The following OR1J2 variants were observed in gnomAD, a reference collection of about 807,000 sequenced individuals.
OR1J2 encodes the protein olfactory receptor family 1 subfamily J member 2, also known as olfactory receptor 1J2.
For synonymous variants in OR1J2, 142 were observed against 99.7 expected, an observed-to-expected ratio of 1.42 and a Z score of -2.52; for missense variants, 304 against 246.1, an observed-to-expected ratio of 1.24 and a Z score of -1.57.
the OR1J2 span, chr9:122,568,678 T>A: frequency 0.32 from 155,731 of 492,018 alleles, 30,150 homozygotes; most frequent in East Asian, 0.83. Context: ...CATAAGGGCA[T>A]TATATTGAAA....
the OR1J2 span, chr9:122,519,988 C>T: frequency 6.2e-7 from 1 of 1,614,154 alleles, no homozygotes; most frequent in African/African-American, 1.3e-5. Flanking sequence ...GTGATCACCC[C>T]ATTGCTGAAT....
chr9:122,448,298 TAA>T, the OR1J2 span, among the ~76,000 whole-genome samples: 3 of 152,062 alleles, frequency 2.0e-5, no homozygotes, highest in Admixed American at 6.6e-5. Context: ...CTTAGTGGAG[TAA>T]AGAGTAACAG....
the OR1J2 span, chr9:122,477,333 T>A: frequency 6.2e-7 from 1 of 1,614,122 alleles, no homozygotes; most frequent in Non-Finnish European, 8.5e-7. Context: ...CTGTAAAGAT[T>A]GCTAACTGAT....
the OR1J2 span, among the ~76,000 whole-genome samples, chr9:122,458,175 C>T: frequency 6.6e-6 from 1 of 152,164 alleles, no homozygotes; most frequent in Non-Finnish European, 1.5e-5. Flanking sequence ...TTAGTGTCCA[C>T]AATTTGTAGT....
the OR1J2 span, among the ~76,000 whole-genome samples, chr9:122,475,509 A>G: frequency 6.6e-6 from 1 of 152,190 alleles, no homozygotes; most frequent in Non-Finnish European, 1.5e-5. Context: ...TTTGGGGTTC[A>G]CTATGCAGCT....
At chr9:122,538,030 T>G in the OR1J2 span, among the ~76,000 whole-genome samples, 25 of 152,170 alleles carry the variant, frequency 1.6e-4, no homozygotes, top group Admixed American at 1.4e-3. Flanking sequence ...TACCTCTTAC[T>G]GTGCATGTGT....
the OR1J2 span, among the ~76,000 whole-genome samples, chr9:122,458,704 G>A: frequency 1.3e-5 from 2 of 152,174 alleles, no homozygotes; most frequent in East Asian, 1.9e-4. Context: ...TGACATGTAG[G>A]AATTATGGGA....
At chr9:122,452,385 A>C in the OR1J2 span, among the ~76,000 whole-genome samples, 2 of 152,194 alleles carry the variant, frequency 1.3e-5, no homozygotes, top group African/African-American at 2.4e-5. Context: ...CTTACCAGTC[A>C]TCTTGCCATA....
the OR1J2 span, among the ~76,000 whole-genome samples, chr9:122,452,897 G>A: frequency 1.3e-5 from 2 of 151,908 alleles, no homozygotes; most frequent in Admixed American, 6.6e-5. Flanking sequence ...GTGTGGTGGC[G>A]CATGCCTGTA....
upstream of OR1J2, among the ~76,000 whole-genome samples, chr9:122,506,086 G>T (rs932094566): frequency 8.5e-5 from 13 of 152,154 alleles, no homozygotes; most frequent in African/African-American, 3.1e-4. Flanking sequence ...ATCCCTTGGA[G>T]TGGGATATGG....
At chr9:122,470,332 C>T in the OR1J2 span, among the ~76,000 whole-genome samples, 1 of 152,224 alleles carries the variant, frequency 6.6e-6, no homozygotes, top group African/African-American at 2.4e-5. Flanking sequence ...TCAGATGGTG[C>T]AAGCTTCAAG....
the OR1J2 span, among the ~76,000 whole-genome samples, chr9:122,471,765 C>T: frequency 6.6e-6 from 1 of 152,044 alleles, no homozygotes; most frequent in South Asian, 2.1e-4. Flanking sequence ...CTAGAAAATT[C>T]CCCCCAAATA....
At chr9:122,452,370 G>A in the OR1J2 span, among the ~76,000 whole-genome samples, 4 of 152,220 alleles carry the variant, frequency 2.6e-5, no homozygotes, top group South Asian at 8.3e-4. Flanking sequence ...GCAGTAAATG[G>A]CATGCTTACC....
At chr9:122,550,512 A>G in the OR1J2 span, among the ~76,000 whole-genome samples, 1 of 152,204 alleles carries the variant, frequency 6.6e-6, no homozygotes, top group Non-Finnish European at 1.5e-5. Flanking sequence ...AATACTAGCA[A>G]ACTGAATCCA....
the OR1J2 span, chr9:122,477,942 A>T: frequency 3.2e-6 from 5 of 1,545,408 alleles, no homozygotes; most frequent in Non-Finnish European, 4.4e-6. Context: ...TATCAGCTGG[A>T]GGGCACTAGG....
the OR1J2 span, among the ~76,000 whole-genome samples, chr9:122,540,138 T>C: frequency 6.6e-6 from 1 of 151,886 alleles, no homozygotes; most frequent in Non-Finnish European, 1.5e-5. Flanking sequence ...CATTTGTCAA[T>C]TTTGGCTTTT....
chr9:122,556,002 C>T, the OR1J2 span, among the ~76,000 whole-genome samples: 1 of 152,198 alleles, frequency 6.6e-6, no homozygotes, highest in Non-Finnish European at 1.5e-5. Context: ...TTTCACTGCC[C>T]TACAAATCCT....
chr9:122,449,495 G>A, the OR1J2 span, among the ~76,000 whole-genome samples: 5 of 151,974 alleles, frequency 3.3e-5, no homozygotes, highest in Non-Finnish European at 7.4e-5. Context: ...TCAGCCTCCC[G>A]AGTAGCTGGG....
chr9:122,526,761 T>C, the OR1J2 span: 1 of 1,613,916 alleles, frequency 6.2e-7, no homozygotes, highest in Non-Finnish European at 8.5e-7. Flanking sequence ...AGGAGTGATG[T>C]CACAGAAAAA....
Sources: gnomAD v4.1 joint callset for allele counts (sites outside exome capture counted in the v4.1 genomes callset) on GRCh38, gnomAD v4.1.1 for gene constraint, MANE v1.5 for transcripts, NCBI Gene and HGNC (gene_info 2026-07-23, HGNC 2026-07-21) for gene names.